NCAM2: variants seen among roughly 807,000 people sequenced by gnomAD.
NCAM2 encodes neural cell adhesion molecule 2, also known as N-CAM-2.
In NCAM2, 30 loss-of-function variants were observed where a neutral mutation model predicts 98.1. The observed-to-expected ratio is 0.31, with a 90% CI of 0.23 to 0.41. NCAM2 has a LOEUF of 0.41. Among genes scored for constraint, NCAM2 ranks in the 10% least tolerant of loss-of-function variants. NCAM2 has a pLI of 1.00. For missense variants in NCAM2, 867 were observed against 1,005.8 expected (o/e 0.86, Z 1.87); for synonymous variants, 368 against 342.4 (o/e 1.07, Z -0.83).
chr21:21,411,114 A>ATATATATACACACATATG (rs1426488904), intron 10 of NCAM2, among the ~76,000 whole-genome samples: 1 of 3,534 alleles, frequency 2.8e-4, no homozygotes, highest in African/African-American at 9.3e-4. Context: ...ATATATATGT[A>ATATATATACACACATATG]TATATATATA....
intron 15 of NCAM2, among the ~76,000 whole-genome samples, chr21:21,504,891 A>T (rs1177085977): frequency 2.6e-5 from 4 of 151,994 alleles, no homozygotes; most frequent in Admixed American, 2.6e-4. Flanking sequence ...AATTAGGGAA[A>T]ATGGTGTATC....
intron 1 of NCAM2, among the ~76,000 whole-genome samples, chr21:21,136,640 T>TGTTTG (rs1555889527): frequency 4.1e-5 from 6 of 147,966 alleles, no homozygotes; most frequent in Admixed American, 2.0e-4. Flanking sequence ...GTTTTTTTTT[T>TGTTTG]TATTTTTAGT....
chr21:21,284,264 A>G lies in NCAM2; in HGVS notation c.201A>G (p.Val67=), dbSNP rs767856246. 6.8e-6 allele frequency: 11 copies of G among 1,612,262 alleles called. No individual in the cohort carries two copies. The highest frequency in any genetic ancestry group is 9.3e-6 in the Non-Finnish European group (11 of 1,178,522). ...QGEKIISTQR[V]VVQKEGVRSR... ...AGAAGATAATTTCAACACAGAGGGT[A>G]GTAGTGCAAAAGGAAGGTGTTAGGT... The change falls in exon 3 of 18, where the codon GTA becomes GTG. Residue 67 remains valine (V), a synonymous_variant. Coordinates refer to ENST00000400546, the MANE Select transcript of NCAM2 (RefSeq NM_004540.5).
intron 5 of NCAM2, among the ~76,000 whole-genome samples, chr21:21,296,442 CCTAA>C (rs35548105): frequency 0.65 from 98,913 of 151,038 alleles, 33,025 homozygotes; most frequent in Non-Finnish European, 0.74. Flanking sequence ...AATCCAAGCA[CCTAA>C]CTGTGATTGA....
intron 1 of NCAM2, among the ~76,000 whole-genome samples, chr21:21,149,060 T>G (rs2067370890): frequency 6.6e-6 from 1 of 152,174 alleles, no homozygotes; most frequent in Non-Finnish European, 1.5e-5. Context: ...GACTCTGTTA[T>G]GTTCCATGAA....
At chr21:21,236,151 GATTATCCA>G (rs2070811310) in intron 1 of NCAM2, among the ~76,000 whole-genome samples, 1 of 139,408 alleles carries the variant, frequency 7.2e-6, no homozygotes, top group South Asian at 2.2e-4. Context: ...AAACTTCCCT[GATTATCCA>G]AGCAAATAAA....
rs1602548257 is a variant in NCAM2, at chr21:21,519,967, A to T, written c.2282+10912A>T. On this transcript the variant is annotated intron_variant, in intron 16 of 17. Coordinates refer to ENST00000400546, the MANE Select transcript of NCAM2 (RefSeq NM_004540.5). The stretch of plus-strand genomic sequence containing the variant: ...TCAAGGCAGAGAAAAAAAAATTAAG[A>T]TCAGTGTCATAGAGGATAGTATTAG... 3.3e-5 allele frequency among the ~76,000 whole-genome samples: 5 copies of T among 152,100 alleles called. No homozygotes were observed. In the East Asian group the frequency reaches 9.6e-4, roughly 29 times the overall value.
intron 12 of NCAM2, among the ~76,000 whole-genome samples, chr21:21,438,327 G>A (rs1366432919): frequency 6.6e-6 from 1 of 151,836 alleles, no homozygotes; most frequent in African/African-American, 2.4e-5. Flanking sequence ...TGTCCTGTTA[G>A]TAGATTCTAA....
At chr21:21,212,375 G>A (rs1268817981) in intron 1 of NCAM2, among the ~76,000 whole-genome samples, 1 of 152,146 alleles carries the variant, frequency 6.6e-6, no homozygotes, top group African/African-American at 2.4e-5. Flanking sequence ...ATTATTGATT[G>A]TCAATGGTTA....
intron 15 of NCAM2, among the ~76,000 whole-genome samples, chr21:21,491,615 T>C (rs1241366760): frequency 6.6e-6 from 1 of 151,720 alleles, no homozygotes; most frequent in East Asian, 1.9e-4. Context: ...TATTTTTCTT[T>C]TAGAGCAAAA....
intron 12 of NCAM2, among the ~76,000 whole-genome samples, chr21:21,449,382 A>G (rs1341472755): frequency 6.6e-6 from 1 of 151,804 alleles, no homozygotes; most frequent in Admixed American, 6.6e-5. Flanking sequence ...AAAAAAAAAA[A>G]AATTAGAGCT....
At chr21:21,364,420 G>A (rs1279491923) in intron 8 of NCAM2, among the ~76,000 whole-genome samples, 1 of 151,866 alleles carries the variant, frequency 6.6e-6, no homozygotes, top group Non-Finnish European at 1.5e-5. Context: ...GAATCATTCA[G>A]CATGTCTCCA....
intron 1 of NCAM2, among the ~76,000 whole-genome samples, chr21:21,179,229 A>G (rs962384842): frequency 2.6e-5 from 4 of 152,160 alleles, no homozygotes; most frequent in African/African-American, 7.2e-5. Context: ...AAACAAAGTA[A>G]TAATTACCAG....
At chr21:21,394,392 G>A (rs944235857) in intron 9 of NCAM2, among the ~76,000 whole-genome samples, 8 of 142,954 alleles carry the variant, frequency 5.6e-5, no homozygotes, top group African/African-American at 2.1e-4. Flanking sequence ...AAATTTAAAT[G>A]ACTGAAAAAA....
intron 8 of NCAM2, among the ~76,000 whole-genome samples, chr21:21,350,523 A>T (rs1236531914): frequency 6.6e-6 from 1 of 152,180 alleles, no homozygotes; most frequent in Non-Finnish European, 1.5e-5. Context: ...CTGGTTTCTG[A>T]TGCTAATAAC....
At chr21:21,099,164 A>G (rs1276341589) in intron 1 of NCAM2, among the ~76,000 whole-genome samples, 1 of 130,514 alleles carries the variant, frequency 7.7e-6, no homozygotes, top group Non-Finnish European at 1.5e-5. Context: ...TGAAAAAGGC[A>G]AAACAAAGGA....
intron 1 of NCAM2, among the ~76,000 whole-genome samples, chr21:21,275,168 C>T (rs560521382): frequency 1.3e-5 from 2 of 151,876 alleles, no homozygotes; most frequent in African/African-American, 2.4e-5. Flanking sequence ...GGACCGGGCG[C>T]GGTGGCTCAC....
At chr21:21,186,956 G>A (rs900060632) in intron 1 of NCAM2, among the ~76,000 whole-genome samples, 1 of 152,100 alleles carries the variant, frequency 6.6e-6, no homozygotes, top group Non-Finnish European at 1.5e-5. Context: ...GAGGCTGGGC[G>A]CAGTGGCTTA....
chr21:21,233,671 G>A (rs2826742), intron 1 of NCAM2, among the ~76,000 whole-genome samples: 74,472 of 151,296 alleles, frequency 0.49, 18,886 homozygotes, highest in South Asian at 0.58. Context: ...CGATGTTTTG[G>A]CATCACCCAC....
Sources: gnomAD v4.1 joint callset for allele counts (sites outside exome capture counted in the v4.1 genomes callset) on GRCh38, gnomAD v4.1.1 for gene constraint, MANE v1.5 for transcripts, NCBI Gene and HGNC (gene_info 2026-07-23, HGNC 2026-07-21) for gene names.